GABRB2: variants seen among roughly 807,000 people sequenced by gnomAD.
The protein encoded by GABRB2 is gamma-aminobutyric acid type A receptor subunit beta2.
In GABRB2, 16 loss-of-function variants were observed where a neutral mutation model predicts 54.7. The observed-to-expected ratio is 0.29, with a 90% CI of 0.20 to 0.44. The LOEUF is 0.44. Among genes scored for constraint, GABRB2 ranks in the 20% least tolerant of loss-of-function variants. The probability of loss-of-function intolerance (pLI) is 1.00; values close to 1 mark genes in which losing one functional copy is unlikely to be tolerated. For synonymous variants in GABRB2, 244 were observed against 233.8 expected, an observed-to-expected ratio of 1.04 and a Z score of -0.40; for missense variants, 355 against 644.0, an observed-to-expected ratio of 0.55 and a Z score of 4.86.
intron 4 of GABRB2, among the ~76,000 whole-genome samples, chr5:161,412,186 C>T (rs1279866014): frequency 1.3e-5 from 2 of 152,132 alleles, no homozygotes; most frequent in Admixed American, 6.5e-5. Context: ...TAGACTGAGC[C>T]TATGGAATTC....
At chr5:161,535,346 T>C (rs930028721) in intron 3 of GABRB2, among the ~76,000 whole-genome samples, 2 of 152,158 alleles carry the variant, frequency 1.3e-5, no homozygotes, top group African/African-American at 2.4e-5. Flanking sequence ...TAAAAAAACA[T>C]ATATTTTAAT....
chr5:161,516,024 C>A (rs1759935815), intron 3 of GABRB2, among the ~76,000 whole-genome samples: 1 of 150,836 alleles, frequency 6.6e-6, no homozygotes. Flanking sequence ...GAAAATAAGC[C>A]TGGACTTTGT....
chr5:161,453,792 A>G (rs1197156932), intron 4 of GABRB2, among the ~76,000 whole-genome samples: 1 of 152,014 alleles, frequency 6.6e-6, no homozygotes, highest in Non-Finnish European at 1.5e-5. Context: ...ATCCTAGCAC[A>G]CTGGGAGGTC....
At chr5:161,329,142 AG>A (rs1298746080) in intron 8 of GABRB2, among the ~76,000 whole-genome samples, 1 of 152,212 alleles carries the variant, frequency 6.6e-6, no homozygotes, top group Non-Finnish European at 1.5e-5. Flanking sequence ...AAAATAGGGT[AG>A]ATGAAAGTGA....
chr5:161,348,360 G>T (rs1390300071), intron 5 of GABRB2, among the ~76,000 whole-genome samples: 1 of 151,944 alleles, frequency 6.6e-6, no homozygotes, highest in Non-Finnish European at 1.5e-5. Context: ...AGACTATATT[G>T]CTATAAATTT....
chr5:161,371,169 T>G (rs1336828804), intron 5 of GABRB2, among the ~76,000 whole-genome samples: 4 of 152,144 alleles, frequency 2.6e-5, no homozygotes, highest in Non-Finnish European at 5.9e-5. Context: ...ATTACAAGGC[T>G]GTTATTACAA....
At chr5:161,375,944 T>C (rs1755281309) in intron 5 of GABRB2, among the ~76,000 whole-genome samples, 1 of 152,174 alleles carries the variant, frequency 6.6e-6, no homozygotes, top group South Asian at 2.1e-4. Flanking sequence ...GGTTCTGTCA[T>C]TAACCTTAGC....
intron 5 of GABRB2, among the ~76,000 whole-genome samples, chr5:161,348,384 T>C (rs1754379063): frequency 6.6e-6 from 1 of 152,100 alleles, no homozygotes; most frequent in Non-Finnish European, 1.5e-5. Flanking sequence ...TAAATCTCCT[T>C]AATGTTAATG....
Position 161,303,386 on chromosome 5 carries a change from G to T in GABRB2, c.1192-8958C>A, listed in dbSNP as rs28707591. 2.2e-3 allele frequency among the ~76,000 whole-genome samples: 330 copies of T among 152,144 alleles called. 1 individual carries two copies. Among genetic ancestry groups the T allele is most frequent in the African/African-American group, 7.5e-3 (312 of 41,522 alleles). ...AAGCCACCTGAATGCCTATCTTCACGTTTCCTTAGTAAACAAAACCTTTGT... is the reference window on the plus strand; with the variant it reads ...AAGCCACCTGAATGCCTATCTTCACTTTTCCTTAGTAAACAAAACCTTTGT... On this transcript the variant is annotated intron_variant, in intron 9 of 9. Transcript: ENST00000393959.
At chr5:161,304,691 T>A (rs888573282) in intron 9 of GABRB2, among the ~76,000 whole-genome samples, 1 of 152,190 alleles carries the variant, frequency 6.6e-6, no homozygotes, top group Non-Finnish European at 1.5e-5. Context: ...ATTTGTTTTT[T>A]TTTTTAAAGA....
intron 4 of GABRB2, among the ~76,000 whole-genome samples, chr5:161,446,787 A>G (rs1056558388): frequency 6.6e-6 from 1 of 152,044 alleles, no homozygotes; most frequent in Non-Finnish European, 1.5e-5. Flanking sequence ...TGTGTCTTTG[A>G]CTCCAGATTT....
In GABRB2 at chr5:161,460,268, A is replaced by ATGTG. The variant is rs57673547; in HGVS notation, c.238-428_238-425dup. ...GCCAAGAAAACAAATTTATATATAT[A>ATGTG]TGTGTGTGTGTGTGTGTGTGTGTGT... On this transcript the variant is annotated intron_variant, in intron 3 of 9. Coordinates refer to ENST00000393959, the MANE Select transcript of GABRB2 (RefSeq NM_001371727.1). Among the ~76,000 whole-genome samples the ATGTG allele has an allele frequency of 2.5e-3, 377 of 148,656 alleles. 2 individuals carry two copies. Among genetic ancestry groups the ATGTG allele is most frequent in the South Asian group, 0.012 (54 of 4,632 alleles).
At chr5:161,497,512 G>A (rs1759288579) in intron 3 of GABRB2, among the ~76,000 whole-genome samples, 1 of 130,920 alleles carries the variant, frequency 7.6e-6, no homozygotes, top group South Asian at 2.8e-4. Context: ...TGGACTTTGT[G>A]TGTGTGAGTG....
intron 3 of GABRB2, among the ~76,000 whole-genome samples, chr5:161,462,155 T>C (rs1005274052): frequency 2.0e-5 from 3 of 152,194 alleles, no homozygotes; most frequent in Admixed American, 2.0e-4. Flanking sequence ...AAAAGACATA[T>C]TAATATCCTA....
intron 5 of GABRB2, among the ~76,000 whole-genome samples, chr5:161,367,983 T>C (rs912327420): frequency 1.3e-5 from 2 of 152,170 alleles, no homozygotes; most frequent in Non-Finnish European, 1.5e-5. Flanking sequence ...TCCCTGTACA[T>C]GGCATACCTG....
chr5:161,433,087 C>T (rs1757213307), intron 4 of GABRB2, among the ~76,000 whole-genome samples: 2 of 151,698 alleles, frequency 1.3e-5, no homozygotes, highest in African/African-American at 4.8e-5. Context: ...ACAGTAGATA[C>T]CAAAAAAATT....
chr5:161,344,018 T>C (rs1754246282), intron 5 of GABRB2, among the ~76,000 whole-genome samples: 1 of 152,098 alleles, frequency 6.6e-6, no homozygotes, highest in African/African-American at 2.4e-5. Flanking sequence ...CTGATGCTTT[T>C]TGTCCATGGA....
intron 3 of GABRB2, among the ~76,000 whole-genome samples, chr5:161,516,390 C>T (rs189876018): frequency 5.3e-4 from 80 of 150,804 alleles, no homozygotes; most frequent in Non-Finnish European, 8.8e-4. Context: ...TATGTGAGTT[C>T]GCCTTGCCTT....
chr5:161,539,191 C>CCAAAATTTGAATCTTAAAATG (rs1485119197), intron 3 of GABRB2, among the ~76,000 whole-genome samples: 2 of 152,150 alleles, frequency 1.3e-5, no homozygotes, highest in African/African-American at 4.8e-5. Flanking sequence ...ATCCTCAGAG[C>CCAAAATTTGAATCTTAAAATG]CAAAATTTGA....
Sources: gnomAD v4.1 joint callset for allele counts (sites outside exome capture counted in the v4.1 genomes callset) on GRCh38, gnomAD v4.1.1 for gene constraint, MANE v1.5 for transcripts, NCBI Gene and HGNC (gene_info 2026-07-23, HGNC 2026-07-21) for gene names.